Variants in AFAP1 observed in about 807,000 individuals in gnomAD.
AFAP1 encodes actin filament-associated protein 1.
Under a neutral mutation model 93.9 loss-of-function variants are expected in AFAP1, and 75 were observed. That is an observed-to-expected ratio of 0.80 (90% CI 0.66 to 0.97). The LOEUF is 0.97. Among genes scored for constraint, AFAP1 ranks in the 50% least tolerant of loss-of-function variants. AFAP1 has a pLI of 0.00. For synonymous variants in AFAP1, 517 were observed against 430.7 expected (o/e 1.20, Z -2.48); for missense variants, 1,201 against 1,050.8 (o/e 1.14, Z -1.98).
At chr4:7,837,343 G>C (rs1468491004) in intron 6 of AFAP1, among the ~76,000 whole-genome samples, 1 of 152,108 alleles carries the variant, frequency 6.6e-6, no homozygotes, top group Non-Finnish European at 1.5e-5. Context: ...TAGGTCATGA[G>C]GGCAGAGCCC....
chr4:7,772,786 G>A (rs552760037), intron 16 of AFAP1, 34 bp downstream of exon 16: 48 of 1,599,350 alleles, frequency 3.0e-5, no homozygotes, highest in Admixed American at 3.4e-5. Context: ...GCAAGGCCGC[G>A]CCAGCCTCCG....
intron 15 of AFAP1, 179 bp downstream of exon 15, chr4:7,774,560 C>T: frequency 1.0e-6 from 1 of 956,418 alleles, no homozygotes; most frequent in Non-Finnish European, 1.5e-6. Flanking sequence ...ACCACACAGG[C>T]ACCTGCCTCG....
intron 1 of AFAP1, among the ~76,000 whole-genome samples, chr4:7,914,667 G>A (rs768022051): frequency 1.3e-5 from 2 of 152,182 alleles, no homozygotes; most frequent in Non-Finnish European, 2.9e-5. Flanking sequence ...CAGTAGTGGG[G>A]CTGCTGGATC....
rs1577236854 is a variant in AFAP1 at position 7,809,187 on chromosome 4, T to A, written c.1054+427A>T. ...AACTCATCATTTAGCATTAGGTATA[T>A]CTCCTAATGCTATCCCTCCCCACTC... On this transcript the variant is annotated intron_variant, in intron 9 of 17. Transcript: ENST00000420658. Among the ~76,000 whole-genome samples the A allele has an allele frequency of 2.0e-5, 3 of 152,040 alleles. No individual in the cohort carries two copies. In the South Asian group the frequency reaches 6.3e-4, roughly 32 times the overall value.
intron 12 of AFAP1, among the ~76,000 whole-genome samples, chr4:7,785,332 A>G (rs1717159761): frequency 6.6e-6 from 1 of 152,126 alleles, no homozygotes; most frequent in African/African-American, 2.4e-5. Flanking sequence ...GTAACAGGGA[A>G]AGCTGTTACT....
chr4:7,809,352 G>A lies in AFAP1; in HGVS notation c.1054+262C>T, dbSNP rs1719810721. The stretch of plus-strand genomic sequence containing the variant: ...AAAAACACTTCCAAGGGATTTGGGG[G>A]AACTTCAGAGGATTAAAGGGAAATT... On this transcript the variant is annotated intron_variant, in intron 9 of 17. Transcript: ENST00000420658. 1.5e-5 allele frequency: 4 copies of A among 264,852 alleles called. No individual in the cohort carries two copies. The South Asian group carries it at 5.5e-4, about 37-fold the overall frequency. The allele number at this position is 264,852 out of a possible 1,614,324, so 16.4% of individuals were successfully genotyped here.
chr4:7,847,956 C>G (rs1280015752), intron 4 of AFAP1, among the ~76,000 whole-genome samples: 1 of 151,674 alleles, frequency 6.6e-6, no homozygotes, highest in Non-Finnish European at 1.5e-5. Flanking sequence ...TCAGGACTCT[C>G]TAGGGAAACA....
At chr4:7,831,581 C>T (rs796553467) in intron 6 of AFAP1, among the ~76,000 whole-genome samples, 4 of 152,296 alleles carry the variant, frequency 2.6e-5, no homozygotes, top group African/African-American at 9.6e-5. Flanking sequence ...TTTGTCAGCG[C>T]ACTGTCGGCT....
At chr4:7,848,907 G>C (rs1030001450) in intron 4 of AFAP1, among the ~76,000 whole-genome samples, 1 of 152,080 alleles carries the variant, frequency 6.6e-6, no homozygotes, top group Non-Finnish European at 1.5e-5. Flanking sequence ...GTTTATTCCA[G>C]AAAAAAACTG....
rs60056317 is a variant in AFAP1 at position 7,797,071 on chromosome 4, T to TTAATAA, written c.1267-3251_1267-3246dup. ...TGAGACCTTGTCTCAAAAATAATAA[T>TTAATAA]TAATAATAATAATCTATGAATTCCC... On this transcript the variant is annotated intron_variant, in intron 10 of 17. Coordinates refer to ENST00000420658, the MANE Select transcript of AFAP1 (RefSeq NM_001134647.2). 5.2e-4 allele frequency among the ~76,000 whole-genome samples: 78 copies of TTAATAA among 151,430 alleles called. 1 individual carries two copies. In the East Asian group the frequency reaches 0.013, roughly 25 times the overall value.
Position 7,773,030 on chromosome 4 carries a change from C to CAGTTACTCCCA in AFAP1, c.2063-21_2063-20insTGGGAGTAACT, listed in dbSNP as rs754288031. On this transcript the variant is annotated intron_variant, in intron 15 of 17. Transcript: ENST00000420658. The stretch of plus-strand genomic sequence containing the variant: ...TCCTGCCTGGAATTCCCAGAAACGC[C>CAGTTACTCCCA]GTTACTCCCGCGGCAGGCACAGGTT... The CAGTTACTCCCA allele has an allele frequency of 1.2e-6, 2 of 1,601,460 alleles. No homozygotes were observed. The highest frequency in any genetic ancestry group is 2.2e-5 in the South Asian group (2 of 90,518).
intron 16 of AFAP1, 106 bp from the exon 17 acceptor site, chr4:7,769,114 G>C (rs1056617478): frequency 7.1e-7 from 1 of 1,415,880 alleles, no homozygotes; most frequent in Non-Finnish European, 9.5e-7. Flanking sequence ...TTGGAAATGG[G>C]CAAAAATAAC....
chr4:7,939,521 C>A lies in AFAP1; in HGVS notation c.-3+135G>T. 2.8e-6 allele frequency: 1 copy of A among 352,462 alleles called. No individual in the cohort carries two copies. The highest frequency in any genetic ancestry group is 5.5e-6 in the Non-Finnish European group (1 of 180,606). 21.8% of individuals were successfully genotyped at this position (352,462 alleles called of 1,614,324 possible). On this transcript the variant is annotated intron_variant, in intron 1 of 17. Coordinates refer to ENST00000420658, the MANE Select transcript of AFAP1 (RefSeq NM_001134647.2). The surrounding 1 kb of genome is among the most constrained non-coding windows in gnomAD (Gnocchi z 5.6). ...GGCGTCGCAGCAGGCGCGGAGCCCC[C>A]GGTACCACCCGAGGCCGAGACAAAG...
At position 7,758,755 on chromosome 4, in the gene AFAP1, G is replaced by T. The variant is rs1713362041; in HGVS notation, c.*5010C>A. ...ATTCATACACAAAGGGGCACGCCAA[G>T]GGCGCCAGTCTAGGGTTACACCACG... is the stretch of plus-strand genomic sequence containing the variant. On this transcript the variant is annotated 3_prime_UTR_variant, in exon 18 of 18. Coordinates refer to ENST00000420658, the MANE Select transcript of AFAP1 (RefSeq NM_001134647.2). 1.3e-5 allele frequency: 2 copies of T among 152,234 alleles called. No homozygotes were observed. The highest frequency in any genetic ancestry group is 6.5e-5 in the Admixed American group (1 of 15,288). 9.4% of individuals were successfully genotyped at this position (152,234 alleles called of 1,614,324 possible).
chr4:7,880,567 C>T (rs1388704592), intron 1 of AFAP1, among the ~76,000 whole-genome samples: 2 of 152,172 alleles, frequency 1.3e-5, no homozygotes, highest in East Asian at 1.9e-4. Flanking sequence ...CGTGAGCCAC[C>T]GCACCCGGCC....
rs765520561 is a variant in AFAP1, at chr4:7,778,894, T to C, written c.1783-18A>G. ...CCCTTGAGCTGTTGAAATAAACATATAAGAACATTAAAAATAAACACAAAG... is the reference window on the plus strand; with the variant it reads ...CCCTTGAGCTGTTGAAATAAACATACAAGAACATTAAAAATAAACACAAAG... On this transcript the variant is annotated intron_variant, in intron 13 of 17. Transcript: ENST00000420658. The C allele has an allele frequency of 5.3e-6, 8 of 1,512,810 alleles. No homozygotes were observed. Among genetic ancestry groups the C allele is most frequent in the Non-Finnish European group, 5.4e-6 (6 of 1,106,682 alleles). 93.7% of individuals were successfully genotyped at this position (1,512,810 alleles called of 1,614,324 possible).
chr4:7,894,072 C>T (rs541940210), intron 1 of AFAP1, among the ~76,000 whole-genome samples: 2 of 152,300 alleles, frequency 1.3e-5, no homozygotes, highest in African/African-American at 4.8e-5. Context: ...GGCTGACGTT[C>T]ACACTGTCAA....
At chr4:7,864,671 GTGTATTTA>G (rs1229629040) in intron 3 of AFAP1, among the ~76,000 whole-genome samples, 1 of 152,186 alleles carries the variant, frequency 6.6e-6, no homozygotes, top group African/African-American at 2.4e-5. Context: ...CTGTTGAGTT[GTGTATTTA>G]CCAAGAGTCA....
At chr4:7,889,508 G>A (rs1269994941) in intron 1 of AFAP1, among the ~76,000 whole-genome samples, 14 of 130,460 alleles carry the variant, frequency 1.1e-4, no homozygotes, top group African/African-American at 3.9e-4. Context: ...AGCCAAGATC[G>A]CACCACTGCA....
Sources: gnomAD v4.1 joint callset for allele counts (sites outside exome capture counted in the v4.1 genomes callset) on GRCh38, gnomAD v4.1.1 for gene constraint, Gnocchi (gnomAD v3.1) non-coding constraint, MANE v1.5 for transcripts, NCBI Gene and HGNC (gene_info 2026-07-23, HGNC 2026-07-21) for gene names.